The following MED12 variants were observed in gnomAD, a reference collection of about 807,000 sequenced individuals.
The protein encoded by MED12 is mediator of RNA polymerase II transcription subunit 12.
MED12 carries 10 observed loss-of-function variants against 177.7 expected under a neutral mutation model. The ratio of observed to expected loss-of-function variants is 0.06; its 90% confidence interval spans 0.03 to 0.10. The LOEUF (loss-of-function observed/expected upper bound fraction) is 0.10. MED12 is among the 10% of genes least tolerant of loss of function. MED12 has a pLI of 1.00. For missense variants in MED12, 867 were observed against 1,780.8 expected (o/e 0.49, Z 9.23); for synonymous variants, 641 against 678.4 (o/e 0.94, Z 0.86).
At chrX:71,141,131 C>G in intron 42 of MED12, 99 bp from the exon 43 acceptor site, 1 of 1,158,163 alleles carries the variant, frequency 8.6e-7, no homozygotes, top group Non-Finnish European at 1.2e-6. Flanking sequence ...AGACCCCGAG[C>G]TCCCACCCTG....
At chrX:71,140,118 C>T (rs189681951) in intron 41 of MED12, among the ~76,000 whole-genome samples, 264 of 87,726 alleles carry the variant, frequency 3.0e-3, no homozygotes, top group African/African-American at 0.011. Flanking sequence ...CTCGCTCTGT[C>T]ATCCAGGCTG....
intron 23 of MED12, 33 bp from the exon 24 acceptor site, chrX:71,128,565 T>C (rs1332571107): frequency 2.5e-6 from 3 of 1,208,616 alleles, no homozygotes; most frequent in Admixed American, 2.2e-5. Context: ...GCCTCCACAC[T>C]GAGTCATGGT....
chrX:71,122,434 A>G (rs910986947), intron 8 of MED12, 74 bp from the exon 9 acceptor site: 67 of 1,185,617 alleles, frequency 5.7e-5, no homozygotes, highest in African/African-American at 1.4e-4. Flanking sequence ...GTCTAGTACT[A>G]TTCTTCTAGC....
rs186876895 is a variant in MED12 at position 71,124,403 on chromosome X, C to T, written c.1974+15C>T. The T allele has an allele frequency of 1.9e-5, 21 of 1,130,499 alleles. No homozygotes were observed. The East Asian group carries it at 5.9e-4, about 32-fold the overall frequency. 93.2% of individuals were successfully genotyped at this position (1,130,499 alleles called of 1,213,427 possible). ...GCAAGCTGGAAGTGAGTGGGCTTTTCCTTGCACTAGATCGTTTCTTCTGAC... is the reference window on the plus strand; with the variant it reads ...GCAAGCTGGAAGTGAGTGGGCTTTTTCTTGCACTAGATCGTTTCTTCTGAC... On this transcript the variant is annotated intron_variant, in intron 13 of 44. Transcript: ENST00000374080.
chrX:71,125,246 G>T lies in MED12; in HGVS notation c.2226+100G>T, dbSNP rs1450190689. 1.7e-6 allele frequency: 2 copies of T among 1,195,250 alleles called. No homozygotes were observed. Among genetic ancestry groups the T allele is most frequent in the East Asian group, 5.9e-5 (2 of 33,748 alleles). Reference sequence around the variant, plus strand: ...GAGCTGTTCTGAGGATGTGGGTTGGGAAAGGGAAGGGCTTTAGCATGTGGA... The same window carrying T: ...GAGCTGTTCTGAGGATGTGGGTTGGTAAAGGGAAGGGCTTTAGCATGTGGA... On this transcript the variant is annotated intron_variant, in intron 15 of 44. Coordinates refer to ENST00000374080, the MANE Select transcript of MED12 (RefSeq NM_005120.3).
intron 41 of MED12, among the ~76,000 whole-genome samples, chrX:71,140,080 C>CTTTTTTTTTTT (rs746271800): frequency 2.3e-5 from 2 of 88,648 alleles, no homozygotes; most frequent in Non-Finnish European, 4.5e-5. Flanking sequence ...TCTTTTCTTT[C>CTTTTTTTTTTT]TTTTTTTTTT....
Position 71,129,368 on chromosome X carries a change from C to T in MED12, c.3630C>T (p.Ala1210=), listed in dbSNP as rs748892629. The part of the protein sequence containing the change: ...RSSCDRHLLA[A]SQNRIVDGAV... ...CCTGCGACCGCCACCTGCTGGCTGC[C>T]TCCCAGAACCGCATCGTGGATGGAG... The change falls in exon 26 of 45, where the codon GCC becomes GCT. Residue 1210 remains alanine (A), a synonymous_variant. Coordinates refer to ENST00000374080, the MANE Select transcript of MED12 (RefSeq NM_005120.3). The T allele has an allele frequency of 5.8e-6, 7 of 1,208,637 alleles. No homozygotes were observed. Among genetic ancestry groups the T allele is most frequent in the Non-Finnish European group, 6.7e-6 (6 of 893,960 alleles).
At chrX:71,129,586 T>G in intron 26 of MED12, 94 bp from the exon 27 acceptor site, 1 of 1,074,279 alleles carries the variant, frequency 9.3e-7, no homozygotes, top group Non-Finnish European at 1.3e-6. Context: ...TAGGGCAGGA[T>G]TTGGGGTGTT....
chrX:71,133,282 T>C, intron 33 of MED12, 70 bp downstream of exon 33: 3 of 742,343 alleles, frequency 4.0e-6, no homozygotes, highest in East Asian at 3.2e-5. Context: ...AAGCCTCAGG[T>C]TGGGGAGAAT....
chrX:71,130,237 G>A, intron 28 of MED12, 23 bp downstream of exon 28: 2 of 1,193,520 alleles, frequency 1.7e-6, no homozygotes, highest in Non-Finnish European at 2.3e-6. Flanking sequence ...CGTGGGGGCT[G>A]TGGAGGAAGC....
intron 41 of MED12, among the ~76,000 whole-genome samples, chrX:71,139,172 A>C (rs748668024): frequency 1.8e-5 from 2 of 112,570 alleles, no homozygotes; most frequent in South Asian, 7.3e-4. Context: ...ATGCAGTTGT[A>C]TGCTATGAGG....
At chrX:71,125,248 A>G in intron 15 of MED12, 102 bp downstream of exon 15, 1 of 1,195,690 alleles carries the variant, frequency 8.4e-7, no homozygotes, top group Non-Finnish European at 1.1e-6. Context: ...TGGGTTGGGA[A>G]AGGGAAGGGC....
At position 71,137,652 on chromosome X, in the gene MED12, G is replaced by C. The variant is rs770342028; in HGVS notation, c.5826+17G>C. 3 of 1,203,197 alleles carry C rather than the reference G, an allele frequency of 2.5e-6. No individual in the cohort carries two copies. In the African/African-American group the frequency reaches 5.3e-5, roughly 21 times the overall value. ...ACTTCCCAGGTAAGAGCCTGGGATT[G>C]TGAGACTAGGGGGATGAGGCAAGCT... is the stretch of plus-strand genomic sequence containing the variant. On this transcript the variant is annotated intron_variant, in intron 40 of 44. Transcript: ENST00000374080.
In MED12 at chrX:71,134,202, G is replaced by C. The variant is rs776543237; in HGVS notation, c.4618-155G>C. 2.4e-3 allele frequency among the ~76,000 whole-genome samples: 238 copies of C among 98,815 alleles called. 2 individuals are homozygous for C. Among genetic ancestry groups the C allele is most frequent in the Middle Eastern group, 6.0e-3 (1 of 166 alleles). 85.8% of individuals were successfully genotyped at this position (98,815 alleles called of 115,157 possible). ...GCCGAGGTCGCGCCACTGCACTCTA[G>C]CCTGGGTGACAGAGCGAGACTCCGT... On this transcript the variant is annotated intron_variant, in intron 33 of 44. Coordinates refer to ENST00000374080, the MANE Select transcript of MED12 (RefSeq NM_005120.3).
chrX:71,141,980 T>TTCCC lies in MED12; in HGVS notation c.6490+17_6490+20dup, dbSNP rs1465992251. On this transcript the variant is annotated intron_variant, in intron 44 of 44. Coordinates refer to ENST00000374080, the MANE Select transcript of MED12 (RefSeq NM_005120.3). ...CAGCTCTCTAGTAAGCCTGCCTGCC[T>TTCCC]TCCCAAGGAGAACCCCATGGAATAA... 1.7e-6 allele frequency: 2 copies of TTCCC among 1,207,579 alleles called. No individual in the cohort carries two copies. The highest frequency in any genetic ancestry group is 2.2e-6 in the Non-Finnish European group (2 of 892,118).
chrX:71,124,360 C>T lies in MED12; in HGVS notation c.1946C>T (p.Ala649Val). 1 of 1,207,200 alleles carries T rather than the reference C, an allele frequency of 8.3e-7. No individual in the cohort carries two copies. Residue 649 changes from alanine to valine, a missense_variant, in exon 13 of 45, where the codon GCT becomes GTT. This residue lies in a region of MED12 where 309 missense variants were observed against 556.3 expected (regional missense o/e 0.56). Coordinates refer to ENST00000374080, the MANE Select transcript of MED12 (RefSeq NM_005120.3). ...DPADDPEHKE[A>V]EGSSSSKLED... ...GCCGATGACCCAGAGCACAAGGAGG[C>T]TGAAGGCAGCAGCAGCAGCAAGCTG... is the stretch of plus-strand genomic sequence containing the variant.
intron 4 of MED12, among the ~76,000 whole-genome samples, chrX:71,120,642 ACT>A (rs1290797692): frequency 9.3e-6 from 1 of 107,701 alleles, no homozygotes; most frequent in Non-Finnish European, 1.9e-5. Flanking sequence ...ACAGAGCAAG[ACT>A]CTGTCACCCA....
rs781192327 is a variant in MED12, at chrX:71,121,673, A to G, written c.958A>G (p.Ile320Val). The stretch of plus-strand genomic sequence containing the variant: ...TGTGAGCAGTCACTCATCTCATGTT[A>G]TATCTGCTCAGTCAACAAGCACGCT... ...DGVSSHSSHV[I>V]SAQSTSTLPT... Residue 320 changes from isoleucine (I) to valine (V), a missense_variant, in exon 7 of 45, where the codon ATA (isoleucine) becomes GTA (valine). Physicochemically the swap from Ile to Val is conservative, Grantham distance 29. Coordinates refer to ENST00000374080, the MANE Select transcript of MED12 (RefSeq NM_005120.3). The G allele has an allele frequency of 2.5e-6, 3 of 1,210,834 alleles. No homozygotes were observed. The East Asian group carries it at 8.9e-5, about 36-fold the overall frequency.
chrX:71,125,143 C>T lies in MED12; in HGVS notation c.2223C>T (p.Pro741=), dbSNP rs1384811995. 3 of 1,208,615 alleles carry T rather than the reference C, an allele frequency of 2.5e-6. No homozygotes were observed. The highest frequency in any genetic ancestry group is 2.2e-6 in the Non-Finnish European group (2 of 894,758). ...HVQYATHFPI[P]QEESCSHECN... is the part of the protein sequence containing the mutation. Reference sequence around the variant, plus strand: ...AGTACGCCACCCATTTTCCCATCCCCCAGGTACTATTCCCCAGCACCTTGT... The same window carrying T: ...AGTACGCCACCCATTTTCCCATCCCTCAGGTACTATTCCCCAGCACCTTGT... Residue 741 remains proline (P), a synonymous_variant, in exon 15 of 45, where the codon CCC becomes CCT. Coordinates refer to ENST00000374080, the MANE Select transcript of MED12 (RefSeq NM_005120.3).
Sources: gnomAD v4.1 joint callset for allele counts (sites outside exome capture counted in the v4.1 genomes callset) on GRCh38, gnomAD v4.1.1 for gene constraint, gnomAD v4.1.1 regional missense constraint, MANE v1.5 for transcripts, NCBI Gene and HGNC (gene_info 2026-07-23, HGNC 2026-07-21) for gene names.